ACAP3: variants seen among roughly 807,000 people sequenced by gnomAD.
ACAP3 encodes arf-GAP with coiled-coil, ANK repeat and PH domain-containing protein 3.
ACAP3 carries 56 observed loss-of-function variants against 104.1 expected under a neutral mutation model. That is an observed-to-expected ratio of 0.54 (90% confidence interval 0.43 to 0.67). The LOEUF (loss-of-function observed/expected upper bound fraction) is 0.67. Ranked by LOEUF, ACAP3 falls within the 30% of genes least tolerant of loss-of-function variation. The pLI is 0.00. For synonymous variants in ACAP3, 628 were observed against 496.2 expected, an observed-to-expected ratio of 1.27 and a Z score of -3.53; for missense variants, 1,208 against 1,174.9, an observed-to-expected ratio of 1.03 and a Z score of -0.41.
Position 1,304,140 on chromosome 1 carries a change from C to T in ACAP3, c.51G>A (p.Ala17=), listed in dbSNP as rs767357868. ...ECVKDSPRFR[A]TIDEVETDVV... is the part of the protein sequence containing the mutation. ...CGTCCGTCTCCACCTCGTCAATGGT[C>T]GCCCTAAAGCAAGAACGGGGCTGGC... The change falls in exon 2 of 24, where the codon GCG becomes GCA. Residue 17 remains alanine, a synonymous_variant. Coordinates refer to ENST00000354700, the MANE Select transcript of ACAP3 (RefSeq NM_030649.3). 13 of 1,550,500 alleles carry T rather than the reference C, an allele frequency of 8.4e-6. No homozygotes were observed. The highest frequency in any genetic ancestry group is 3.6e-5 in the South Asian group (3 of 84,068).
chr1:1,293,632 T>C lies in ACAP3; in HGVS notation c.2437A>G (p.Ser813Gly), dbSNP rs1640941413. The C allele has an allele frequency of 1.3e-6, 2 of 1,486,792 alleles. No individual in the cohort carries two copies. Among genetic ancestry groups the C allele is most frequent in the Admixed American group, 2.3e-5 (1 of 44,178 alleles). 92.1% of individuals were successfully genotyped at this position (1,486,792 alleles called of 1,614,324 possible). A position where few individuals can be genotyped will look rare whatever the true frequency, so the allele number is the denominator to read the frequency against. Residue 813 changes from serine (S) to glycine (G), a missense_variant, in exon 24 of 24, where the codon AGC (serine) becomes GGC (glycine). Physicochemically the swap from Ser to Gly is moderately conservative, Grantham distance 56. Transcript: ENST00000354700. Reference sequence around the variant, plus strand: ...CTGCGGAACTGGAGCTCCGTGGGGCTGCCCGCCAGGGCGCCCGGGGGACCA... The same window carrying C: ...CTGCGGAACTGGAGCTCCGTGGGGCCGCCCGCCAGGGCGCCCGGGGGACCA... ...APGPPGALAG[S>G]PTELQFRRCI...
chr1:1,304,190 C>T, intron 1 of ACAP3, 47 bp from the exon 2 acceptor site: 1 of 1,549,086 alleles, frequency 6.5e-7, no homozygotes, highest in Non-Finnish European at 8.7e-7. Context: ...GCCTCAGCCC[C>T]CTCGGGGCTT....
Position 1,294,164 on chromosome 1 carries a change from GT to G in ACAP3, c.2174del (p.Asn725ThrfsTer5). 1 of 1,597,288 alleles carries G rather than the reference GT, an allele frequency of 6.3e-7. No homozygotes were observed. The highest frequency in any genetic ancestry group is 1.1e-5 in the South Asian group (1 of 88,836). ...TGTCTCTTTGGTTCACGTCCGCTCC[GT>G]TTTGCAGCAGGAACTCACAGACGAT... is the stretch of plus-strand genomic sequence containing the variant. ...SLIVCEFLLQ[N>X]GADVNQRDSR... On this transcript the variant is annotated frameshift_variant, in exon 22 of 24. Coordinates refer to ENST00000354700, the MANE Select transcript of ACAP3 (RefSeq NM_030649.3). LOFTEE classifies it high-confidence loss of function.
chr1:1,306,808 A>C (rs1016242140), intron 1 of ACAP3, among the ~76,000 whole-genome samples: 1 of 152,270 alleles, frequency 6.6e-6, no homozygotes, highest in African/African-American at 2.4e-5. Flanking sequence ...CTAGTGATGG[A>C]ACACGCGTGT....
intron 1 of ACAP3, chr1:1,307,461 A>ACT: frequency 7.7e-7 from 1 of 1,290,374 alleles, no homozygotes; most frequent in Non-Finnish European, 1.0e-6. Flanking sequence ...GCTGGACTGC[A>ACT]GGGCCCGGGA....
rs569213370 is a variant in ACAP3, at chr1:1,298,162, C to T, written c.916-49G>A. The T allele has an allele frequency of 1.3e-4, 203 of 1,569,062 alleles. No homozygotes were observed. In the South Asian group the frequency reaches 1.9e-3, roughly 14 times the overall value. ...CCTGCCCTCAGCCACCACCCGGCCC[C>T]GACCACCCACTTCCTGCTTCACCTT... On this transcript the variant is annotated intron_variant, in intron 12 of 23. Transcript: ENST00000354700.
At chr1:1,298,756 T>A in intron 10 of ACAP3, 77 bp from the exon 11 acceptor site, 1 of 1,143,588 alleles carries the variant, frequency 8.7e-7, no homozygotes, top group Non-Finnish European at 1.3e-6. Context: ...GGAGCACAGG[T>A]GGGGGTGAGG....
chr1:1,306,817 G>A (rs1008278233), intron 1 of ACAP3, among the ~76,000 whole-genome samples: 3 of 152,262 alleles, frequency 2.0e-5, no homozygotes, highest in Non-Finnish European at 2.9e-5. Flanking sequence ...GAACACGCGT[G>A]TACAAGGTGA....
rs1459027273 is a variant in ACAP3 at position 1,293,965 on chromosome 1, G to A, written c.2250-32C>T. The A allele has an allele frequency of 2.7e-6, 4 of 1,467,038 alleles. No homozygotes were observed. The African/African-American group carries it at 4.4e-5, about 16-fold the overall frequency. The allele number at this position is 1,467,038 out of a possible 1,614,324, so 90.9% of individuals were successfully genotyped here. ...GGCGAGGTCGGAGGGGCGTGTCGGG[G>A]CGGGGCGGGGCGGGGCGAGTGTGGT... On this transcript the variant is annotated intron_variant, in intron 22 of 23. Transcript: ENST00000354700.
chr1:1,299,307 C>T, intron 10 of ACAP3, 38 bp downstream of exon 10: 1 of 1,590,748 alleles, frequency 6.3e-7, no homozygotes, highest in Non-Finnish European at 8.6e-7. Flanking sequence ...TCTGGTCTCC[C>T]CCGACCCACA....
intron 1 of ACAP3, chr1:1,306,984 C>T (rs781245078): frequency 3.4e-4 from 146 of 428,524 alleles, no homozygotes; most frequent in Non-Finnish European, 5.6e-4. Context: ...GCCTGGTGTC[C>T]GGAGGGAGGC....
chr1:1,307,432 C>G, intron 1 of ACAP3: 1 of 1,294,496 alleles, frequency 7.7e-7, no homozygotes, highest in Non-Finnish European at 1.0e-6. Flanking sequence ...CCCCACGGAC[C>G]CAGACGACCC....
At chr1:1,301,752 C>G in intron 5 of ACAP3, 1 of 384,190 alleles carries the variant, frequency 2.6e-6, no homozygotes, top group Non-Finnish European at 4.7e-6. Context: ...ACCCCCAAAC[C>G]CAACGTGGAC....
intron 18 of ACAP3, 81 bp from the exon 19 acceptor site, chr1:1,295,635 G>T: frequency 4.5e-6 from 7 of 1,560,836 alleles, no homozygotes; most frequent in Non-Finnish European, 6.1e-6. Flanking sequence ...GGAGTCTGCG[G>T]AGCCTGAGGT....
In ACAP3 at chr1:1,303,104, C is replaced by G; in HGVS notation, c.225+58G>C. 1 of 1,557,682 alleles carries G rather than the reference C, an allele frequency of 6.4e-7. No individual in the cohort carries two copies. The highest frequency in any genetic ancestry group is 8.7e-7 in the Non-Finnish European group (1 of 1,150,696). On this transcript the variant is annotated intron_variant, in intron 3 of 23. Coordinates refer to ENST00000354700, the MANE Select transcript of ACAP3 (RefSeq NM_030649.3). The surrounding 1 kb of genome is among the most constrained non-coding windows in gnomAD (Gnocchi z 4.0). ...TGGCCTGGACGCCCTCAAGGGGCTG[C>G]CTCCCTCGGCCTCTCCCCCAACCCC...
chr1:1,299,165 C>T (rs568753041), intron 10 of ACAP3, 180 bp downstream of exon 10: 8,152 of 807,194 alleles, frequency 0.01, 82 homozygotes, highest in Non-Finnish European at 0.012. Context: ...TGCCGCCAAC[C>T]CCACGGGGAA....
rs1403925409 is a variant in ACAP3 at position 1,296,460 on chromosome 1, G to T, written c.1302C>A (p.Gly434=). The change falls in exon 15 of 24, where the codon GGC becomes GGA. Residue 434 remains glycine (G), a synonymous_variant. Transcript: ENST00000354700. ...CGGAGCACTCAATGCAGAGCAGCAC[G>T]CCCAGGTTGATGCTGGCCCAGCGGG... ...PDPRWASINL[G]VLLCIECSGI... 6.5e-7 allele frequency: 1 copy of T among 1,546,410 alleles called. No individual in the cohort carries two copies. The highest frequency in any genetic ancestry group is 8.7e-7 in the Non-Finnish European group (1 of 1,147,300).
At position 1,303,462 on chromosome 1, in the gene ACAP3, C is replaced by T. The variant is rs1330108137; in HGVS notation, c.106-181G>A. ...TGGGCCTGCCTGGGGCTTGGAGGCC[C>T]GTCTGGGAGGGGAGGGTGGGGCCGC... On this transcript the variant is annotated intron_variant, in intron 2 of 23. Coordinates refer to ENST00000354700, the MANE Select transcript of ACAP3 (RefSeq NM_030649.3). The surrounding 1 kb of genome is among the most constrained non-coding windows in gnomAD (Gnocchi z 4.0). The T allele has an allele frequency of 3.9e-5, 13 of 329,368 alleles. No individual in the cohort carries two copies. Among genetic ancestry groups the T allele is most frequent in the East Asian group, 1.9e-4 (2 of 10,458 alleles). The allele number at this position is 329,368 out of a possible 1,614,324, so 20.4% of individuals were successfully genotyped here.
Position 1,303,192 on chromosome 1 carries a change from G to T in ACAP3, c.195C>A (p.Ser65=). 1 of 1,606,428 alleles carries T rather than the reference G, an allele frequency of 6.2e-7. No homozygotes were observed. Among genetic ancestry groups the T allele is most frequent in the South Asian group, 1.1e-5 (1 of 89,570 alleles). Residue 65 remains serine (S), a synonymous_variant, in exon 3 of 24, where the codon TCC becomes TCA. Coordinates refer to ENST00000354700, the MANE Select transcript of ACAP3 (RefSeq NM_030649.3). The surrounding 1 kb of genome is among the most constrained non-coding windows in gnomAD (Gnocchi z 4.0). ...TGACGGTGTCGCCCTGGCACTGCTG[G>T]GACAGGTCGCGGACGCCGCTCACGA... ...RLFVSGVRDL[S]QQCQGDTVIS...
Sources: allele counts gnomAD v4.1 joint callset (sites outside exome capture counted in the v4.1 genomes callset), GRCh38; gene constraint gnomAD v4.1.1; non-coding constraint Gnocchi (gnomAD v3.1); transcripts MANE v1.5; gene names NCBI Gene and HGNC (gene_info 2026-07-23, HGNC 2026-07-21).